PARP15: variants seen among roughly 807,000 people sequenced by gnomAD.
The protein encoded by PARP15 is poly(ADP-ribose) polymerase family member 15.
In PARP15, 50 loss-of-function variants were observed where a neutral mutation model predicts 62.1. The observed-to-expected ratio is 0.81, with a 90% CI of 0.64 to 1.02. The LOEUF is 1.02. PARP15 is among the 50% of genes least tolerant of loss of function. The pLI is 0.00. For missense variants in PARP15, 820 were observed against 826.5 expected (o/e 0.99, Z 0.10); for synonymous variants, 309 against 293.1 (o/e 1.05, Z -0.55).
chr3:122,601,037 T>TTTTTTTTTTG (rs1680272069), intron 1 of PARP15, among the ~76,000 whole-genome samples: 6 of 89,150 alleles, frequency 6.7e-5, no homozygotes, highest in African/African-American at 3.3e-4. Context: ...TCTTTTATGG[T>TTTTTTTTTTG]TTTTTTTTTT....
chr3:122,623,088 A>T (rs573034053), intron 8 of PARP15, among the ~76,000 whole-genome samples: 22 of 152,312 alleles, frequency 1.4e-4, no homozygotes, highest in African/African-American at 5.3e-4. Context: ...ACCTTTTGTT[A>T]TAACCTTTTG....
intron 1 of PARP15, among the ~76,000 whole-genome samples, chr3:122,597,965 G>C (rs974469968): frequency 6.6e-6 from 1 of 152,010 alleles, no homozygotes; most frequent in Admixed American, 6.6e-5. Flanking sequence ...TTGTTATACT[G>C]TATTTTTATT....
intron 1 of PARP15, among the ~76,000 whole-genome samples, chr3:122,582,221 G>T (rs1409407565): frequency 6.6e-6 from 1 of 151,638 alleles, no homozygotes; most frequent in African/African-American, 2.4e-5. Context: ...ATCCAGGCTG[G>T]AATGCAGTGG....
intron 9 of PARP15, among the ~76,000 whole-genome samples, chr3:122,628,955 C>A (rs535381482): frequency 1.3e-5 from 2 of 152,266 alleles, no homozygotes; most frequent in African/African-American, 4.8e-5. Context: ...AGATGATACA[C>A]AATTACTTTT....
Position 122,630,121 on chromosome 3 carries a change from C to A in PARP15, c.1439-1965C>A, listed in dbSNP as rs553063776. ...CAGGAAAATGCCTAGCACATGGAAA[C>A]ACTTTTAAAAGGGTAGTTATCATGC... On this transcript the variant is annotated intron_variant, in intron 9 of 11. Transcript: ENST00000464300. 2.6e-5 allele frequency among the ~76,000 whole-genome samples: 4 copies of A among 152,268 alleles called. No homozygotes were observed. The South Asian group carries it at 8.3e-4, about 32-fold the overall frequency.
intron 1 of PARP15, among the ~76,000 whole-genome samples, chr3:122,601,299 AGCCACT>A: frequency 6.6e-6 from 1 of 152,214 alleles, no homozygotes; most frequent in African/African-American, 2.4e-5. Context: ...TACAGGCATG[AGCCACT>A]GCCTTGGCCT....
At chr3:122,634,853 G>T (rs1222524230) in intron 10 of PARP15, among the ~76,000 whole-genome samples, 167 bp from the exon 11 acceptor site, 1 of 152,230 alleles carries the variant, frequency 6.6e-6, no homozygotes, top group Non-Finnish European at 1.5e-5. Context: ...GCAGAAAGCT[G>T]CCTACTCTCT....
At chr3:122,597,055 C>T (rs1315064553) in intron 1 of PARP15, among the ~76,000 whole-genome samples, 2 of 152,132 alleles carry the variant, frequency 1.3e-5, no homozygotes, top group Non-Finnish European at 2.9e-5. Context: ...ATGTATTGCT[C>T]ATAGTTCTGG....
rs1053612455 is a variant in PARP15, at chr3:122,591,787, T to C, written c.186+13934T>C. ...CTCAAAAAAAAAAAAAAAAAGGTAT[T>C]GATAAGACAGACTATAGCTTTCACC... is the stretch of plus-strand genomic sequence containing the variant. On this transcript the variant is annotated intron_variant, in intron 1 of 11. Coordinates refer to ENST00000464300, the MANE Select transcript of PARP15 (RefSeq NM_001113523.3). Among the ~76,000 whole-genome samples, 11 of 119,234 alleles carry C rather than the reference T, an allele frequency of 9.2e-5. No homozygotes were observed. The South Asian group carries it at 2.8e-3, about 30-fold the overall frequency. 78.2% of individuals were successfully genotyped at this position (119,234 alleles called of 152,430 possible). A position where few individuals can be genotyped will look rare whatever the true frequency, so the allele number is the denominator to read the frequency against.
intron 9 of PARP15, among the ~76,000 whole-genome samples, chr3:122,629,458 A>G (rs894513081): frequency 6.6e-6 from 1 of 152,102 alleles, no homozygotes; most frequent in African/African-American, 2.4e-5. Context: ...TCCCACCCCC[A>G]CAGGTGAGGG....
intron 1 of PARP15, among the ~76,000 whole-genome samples, chr3:122,599,216 G>A (rs1280991362): frequency 6.6e-6 from 1 of 152,152 alleles, no homozygotes; most frequent in Non-Finnish European, 1.5e-5. Flanking sequence ...AATTCCAAAT[G>A]TATTAGCCAG....
At chr3:122,621,314 A>G in intron 7 of PARP15, 130 bp from the exon 8 acceptor site, 1 of 982,702 alleles carries the variant, frequency 1.0e-6, no homozygotes, top group Non-Finnish European at 1.5e-6. Flanking sequence ...AGTGAATGAA[A>G]CCAACAAGCT....
chr3:122,588,848 T>C (rs1357766947), intron 1 of PARP15, among the ~76,000 whole-genome samples: 1 of 152,246 alleles, frequency 6.6e-6, no homozygotes, highest in African/African-American at 2.4e-5. Flanking sequence ...CTTTTGTGAC[T>C]GGCTTCTTTC....
rs1937090564 is a variant in PARP15, at chr3:122,632,133, A to G, written c.1486A>G (p.Met496Val). ...TGACATGAATCATCAGCTGTTTTGC[A>G]TGGTCCAGCTAGAGCCAGGACAATC... ...WTDMNHQLFCMVQLEPGQSEY... is the reference protein window; with the variant it reads ...WTDMNHQLFCVVQLEPGQSEY... Residue 496 changes from methionine (M) to valine (V), a missense_variant, in exon 10 of 12, where the codon ATG becomes GTG. Met to Val is a conservative substitution (Grantham distance 21). Transcript: ENST00000464300. The G allele has an allele frequency of 1.2e-6, 2 of 1,614,088 alleles. No homozygotes were observed. The highest frequency in any genetic ancestry group is 8.5e-7 in the Non-Finnish European group (1 of 1,179,956).
chr3:122,621,718 A>G lies in PARP15; in HGVS notation c.1231+107A>G, dbSNP rs1190357310. ...CTGAATCCATCTGAAAGTGGGAACA[A>G]TGATGTAAATCAGAGAGGGAGCCAT... On this transcript the variant is annotated intron_variant, in intron 8 of 11. Coordinates refer to ENST00000464300, the MANE Select transcript of PARP15 (RefSeq NM_001113523.3). 4.7e-6 allele frequency: 5 copies of G among 1,072,576 alleles called. No individual in the cohort carries two copies. The African/African-American group carries it at 4.9e-5, about 11-fold the overall frequency. 66.4% of individuals were successfully genotyped at this position (1,072,576 alleles called of 1,614,324 possible). A position where few individuals can be genotyped will look rare whatever the true frequency, so the allele number is the denominator to read the frequency against.
At chr3:122,632,296 C>A (rs1177581071) in intron 10 of PARP15, 77 bp downstream of exon 10, 2 of 1,358,296 alleles carry the variant, frequency 1.5e-6, no homozygotes, top group Non-Finnish European at 2.0e-6. Context: ...AAATAACACC[C>A]TTCCTTCCTT....
chr3:122,615,840 T>C lies in PARP15; in HGVS notation c.833T>C (p.Met278Thr). ...RINPNKARIPMAGDTQGVVGT... is the reference protein window; with the variant it reads ...RINPNKARIPTAGDTQGVVGT... ...AATCCCAACAAGGCCAGGATTCCCA[T>C]GGCAGGAGATACCCAAGGTCTGGTA... The change falls in exon 5 of 12, where the codon ATG becomes ACG. Residue 278 changes from methionine (M) to threonine (T), a missense_variant. Coordinates refer to ENST00000464300, the MANE Select transcript of PARP15 (RefSeq NM_001113523.3). 1 of 1,613,062 alleles carries C rather than the reference T, an allele frequency of 6.2e-7. No homozygotes were observed. The highest frequency in any genetic ancestry group is 8.5e-7 in the Non-Finnish European group (1 of 1,179,334).
Position 122,617,091 on chromosome 3 carries a change from T to G in PARP15, c.927T>G (p.Ala309=). The change falls in exon 6 of 12, where the codon GCT becomes GCG. Residue 309 remains alanine, a synonymous_variant. Coordinates refer to ENST00000464300, the MANE Select transcript of PARP15 (RefSeq NM_001113523.3). The stretch of plus-strand genomic sequence containing the variant: ...TCGGTGCAATTACTTTTCAGGTTGC[T>G]ACTGGAGATATAGCCACTGAACAGG... ...MKIGAITFQV[A]TGDIATEQVD... is the part of the protein sequence containing the mutation. 1 of 1,614,140 alleles carries G rather than the reference T, an allele frequency of 6.2e-7. No individual in the cohort carries two copies. The highest frequency in any genetic ancestry group is 1.3e-5 in the African/African-American group (1 of 75,054).
At chr3:122,614,529 G>A (rs1935809073) in intron 4 of PARP15, among the ~76,000 whole-genome samples, 1 of 152,028 alleles carries the variant, frequency 6.6e-6, no homozygotes, top group Admixed American at 6.5e-5. Context: ...ACCCCCAAAG[G>A]TTCTTAGTTT....
Sources: allele counts gnomAD v4.1 joint callset (sites outside exome capture counted in the v4.1 genomes callset), GRCh38; gene constraint gnomAD v4.1.1; transcripts MANE v1.5; gene names NCBI Gene and HGNC (gene_info 2026-07-23, HGNC 2026-07-21).